The following KIAA1549L variants were observed in gnomAD, a reference collection of about 807,000 sequenced individuals.
The protein encoded by KIAA1549L is KIAA1549 like, also known as UPF0606 protein KIAA1549L.
A neutral mutation model predicts 160.7 loss-of-function variants in KIAA1549L; 88 were observed. The ratio of observed to expected loss-of-function variants is 0.55; its 90% CI spans 0.46 to 0.65. The LOEUF is 0.65. Ranked by LOEUF, KIAA1549L falls within the 30% of genes least tolerant of loss-of-function variation. KIAA1549L has a pLI of 0.00. For missense variants in KIAA1549L, 2,258 were observed against 2,437.5 expected (o/e 0.93, Z 1.55); for synonymous variants, 950 against 976.7 (o/e 0.97, Z 0.51).
chr11:33,625,852 G>A (rs1851096610), intron 16 of KIAA1549L, among the ~76,000 whole-genome samples: 1 of 152,086 alleles, frequency 6.6e-6, no homozygotes, highest in African/African-American at 2.4e-5. Context: ...TGTCTTGAAT[G>A]GTAATGCCTA....
At chr11:33,598,627 C>T (rs991953108) in intron 12 of KIAA1549L, among the ~76,000 whole-genome samples, 193 bp from the exon 13 acceptor site, 1 of 152,158 alleles carries the variant, frequency 6.6e-6, no homozygotes, top group Non-Finnish European at 1.5e-5. Context: ...AACGGACTTC[C>T]GAGCAGCCAG....
chr11:33,614,531 G>GCTATATATATAT lies in KIAA1549L; in HGVS notation c.5280-4002_5280-4001insCTATATATATAT, dbSNP rs879500574. ...CTCTTGGGATCTGTGAGTGTAACAA[G>GCTATATATATAT]ATATATATATATATATATATATATA... On this transcript the variant is annotated intron_variant, in intron 15 of 20. Coordinates refer to ENST00000658780, the MANE Select transcript of KIAA1549L (RefSeq NM_012194.3). Among the ~76,000 whole-genome samples, 99 of 27,114 alleles carry GCTATATATATAT rather than the reference G, an allele frequency of 3.7e-3. 37 individuals carry two copies. The highest frequency in any genetic ancestry group is 5.3e-3 in the Non-Finnish European group (80 of 15,158). The allele number at this position is 27,114 out of a possible 152,430, so 17.8% of individuals were successfully genotyped here.
intron 16 of KIAA1549L, among the ~76,000 whole-genome samples, chr11:33,643,819 A>G (rs1433545043): frequency 1.3e-5 from 2 of 152,226 alleles, no homozygotes; most frequent in Admixed American, 6.5e-5. Context: ...TGTTCTATGC[A>G]TTGTGAAGAA....
intron 8 of KIAA1549L, among the ~76,000 whole-genome samples, 163 bp from the exon 9 acceptor site, chr11:33,567,913 T>A (rs1343215766): frequency 6.6e-6 from 1 of 152,212 alleles, no homozygotes; most frequent in South Asian, 2.1e-4. Context: ...ATGATTGTCA[T>A]AGGGCTGTCG....
chr11:33,651,897 CT>C (rs1396307048), intron 17 of KIAA1549L, among the ~76,000 whole-genome samples: 1 of 72,524 alleles, frequency 1.4e-5, no homozygotes, highest in African/African-American at 5.1e-5. Flanking sequence ...CCCTCCCCCC[CT>C]TCCCCTCCCC....
intron 1 of KIAA1549L, among the ~76,000 whole-genome samples, chr11:33,527,459 C>CT (rs903111490): frequency 6.6e-6 from 1 of 152,068 alleles, no homozygotes; most frequent in Non-Finnish European, 1.5e-5. Flanking sequence ...GGATCAAGGA[C>CT]TTTAAGACCT....
At chr11:33,537,418 CAGGCATTTGCAGA>C (rs1181017191) in intron 1 of KIAA1549L, among the ~76,000 whole-genome samples, 10 of 152,054 alleles carry the variant, frequency 6.6e-5, no homozygotes, top group Admixed American at 6.5e-5. Context: ...TGGCATACAA[CAGGCATTTGCAGA>C]TGGAAGGTAG....
intron 15 of KIAA1549L, among the ~76,000 whole-genome samples, chr11:33,612,457 A>G (rs773689216): frequency 1.3e-5 from 2 of 152,142 alleles, no homozygotes; most frequent in East Asian, 1.9e-4. Flanking sequence ...GGGTTTTGCC[A>G]TGTTGCTCAG....
At chr11:33,427,944 A>G (rs2134115333) in intron 1 of KIAA1549L, among the ~76,000 whole-genome samples, 1 of 152,332 alleles carries the variant, frequency 6.6e-6, no homozygotes, top group Non-Finnish European at 1.5e-5. Flanking sequence ...CATGCATCAG[A>G]ATTTCATTTC....
At chr11:33,549,316 G>T (rs1590333388) in intron 4 of KIAA1549L, among the ~76,000 whole-genome samples, 1 of 152,342 alleles carries the variant, frequency 6.6e-6, no homozygotes, top group East Asian at 1.9e-4. Flanking sequence ...GCTAGAGGTT[G>T]TTGCTTGCAG....
At chr11:33,381,860 GAA>G (rs1176594929) in intron 1 of KIAA1549L, among the ~76,000 whole-genome samples, 1 of 152,168 alleles carries the variant, frequency 6.6e-6, no homozygotes, top group Non-Finnish European at 1.5e-5. Context: ...GGGTAGGAGA[GAA>G]AGAGAGGAAT....
intron 16 of KIAA1549L, among the ~76,000 whole-genome samples, chr11:33,638,428 A>ATAAAT (rs1564935547): frequency 0.018 from 343 of 18,850 alleles, 1 homozygote; most frequent in African/African-American, 0.16. Flanking sequence ...TAAATAAAAA[A>ATAAAT]AAAAAAAATA....
chr11:33,620,655 C>G (rs886438303), intron 16 of KIAA1549L, among the ~76,000 whole-genome samples: 4 of 152,134 alleles, frequency 2.6e-5, no homozygotes, highest in Non-Finnish European at 5.9e-5. Context: ...TTTGCCTACC[C>G]AGCCACAGAG....
At chr11:33,606,007 T>C (rs1850489466) in intron 13 of KIAA1549L, among the ~76,000 whole-genome samples, 1 of 152,216 alleles carries the variant, frequency 6.6e-6, no homozygotes, top group Non-Finnish European at 1.5e-5. Context: ...TCCTTCTACT[T>C]AATTAGGGGA....
At chr11:33,567,613 T>C (rs1470742498) in intron 8 of KIAA1549L, among the ~76,000 whole-genome samples, 1 of 152,138 alleles carries the variant, frequency 6.6e-6, no homozygotes, top group Non-Finnish European at 1.5e-5. Context: ...CAAAATAAAA[T>C]AGGAATAGCC....
intron 20 of KIAA1549L, among the ~76,000 whole-genome samples, chr11:33,661,522 C>T (rs1164006105): frequency 6.6e-6 from 1 of 152,106 alleles, no homozygotes; most frequent in Non-Finnish European, 1.5e-5. Flanking sequence ...TTATTAAATT[C>T]GTTTCTTTTA....
At chr11:33,623,878 G>A (rs942645610) in intron 16 of KIAA1549L, among the ~76,000 whole-genome samples, 5 of 152,124 alleles carry the variant, frequency 3.3e-5, no homozygotes, top group African/African-American at 1.2e-4. Context: ...GCACTCAAGT[G>A]CTATCTGCCT....
chr11:33,598,232 G>C (rs962218104), intron 12 of KIAA1549L, among the ~76,000 whole-genome samples: 11 of 144,868 alleles, frequency 7.6e-5, no homozygotes, highest in South Asian at 2.2e-4. Flanking sequence ...GTGTGTGTCA[G>C]AGTGAAGCCC....
intron 1 of KIAA1549L, among the ~76,000 whole-genome samples, chr11:33,462,189 AATGCT>A (rs1851955367): frequency 6.6e-6 from 1 of 152,198 alleles, no homozygotes; most frequent in African/African-American, 2.4e-5. Context: ...GATGGAGAAC[AATGCT>A]ATGTAGGGAA....
Sources: allele counts gnomAD v4.1 joint callset (sites outside exome capture counted in the v4.1 genomes callset), GRCh38; gene constraint gnomAD v4.1.1; transcripts MANE v1.5; gene names NCBI Gene and HGNC (gene_info 2026-07-23, HGNC 2026-07-21).